Variants in PTCH1 observed in about 807,000 individuals in gnomAD.
PTCH1 encodes patched 1.
A neutral mutation model predicts 144.6 loss-of-function variants in PTCH1; 14 were observed. The ratio of observed to expected loss-of-function variants is 0.10; its 90% CI spans 0.06 to 0.15. The LOEUF (loss-of-function observed/expected upper bound fraction) is 0.15. PTCH1 is among the 10% of genes least tolerant of loss of function. The pLI is 1.00. For missense variants in PTCH1, 1,623 were observed against 1,948.3 expected (o/e 0.83, Z 3.14); for synonymous variants, 833 against 793.6 (o/e 1.05, Z -0.83).
At chr9:95,511,390 C>T (rs1422820141), upstream of PTCH1, among the ~76,000 whole-genome samples, 3 of 152,228 alleles carry the variant, frequency 2.0e-5, no homozygotes, top group Non-Finnish European at 4.4e-5. Flanking sequence ...GGGGGAGGCC[C>T]TTCCCCCGAC....
Position 95,506,417 on chromosome 9 carries a change from C to G in PTCH1, c.384G>C (p.Leu128=), listed in dbSNP as rs990879355. ...GGCGGGCGCTCTTACCTTCCACCCACAGCTCCTCCACGTTGGTCTCGAGGT... is the reference window on the plus strand; with the variant it reads ...GGCGGGCGCTCTTACCTTCCACCCAGAGCTCCTCCACGTTGGTCTCGAGGT... The part of the protein sequence containing the change: ...AANLETNVEE[L]WVEVGGRVSR... The change falls in exon 2 of 24, where the codon CTG becomes CTC. Residue 128 remains leucine, a synonymous_variant. Transcript: ENST00000331920. 2 of 1,611,264 alleles carry G rather than the reference C, an allele frequency of 1.2e-6. No individual in the cohort carries two copies. Among genetic ancestry groups the G allele is most frequent in the Admixed American group, 3.3e-5 (2 of 59,878 alleles).
chr9:95,451,892 G>T, intron 20 of PTCH1: 1 of 152,140 alleles, frequency 6.6e-6, no homozygotes, highest in East Asian at 1.9e-4. Context: ...AACTCAGTTG[G>T]GCAACTCTCT....
chr9:95,477,425 G>T, intron 10 of PTCH1, 122 bp downstream of exon 10: 1 of 1,347,088 alleles, frequency 7.4e-7, no homozygotes, highest in Non-Finnish European at 1.1e-6. Flanking sequence ...GCATCCTAGT[G>T]GAAAAGGCTG....
intron 2 of PTCH1, among the ~76,000 whole-genome samples, chr9:95,492,336 G>T (rs1179559490): frequency 6.6e-6 from 1 of 152,100 alleles, no homozygotes; most frequent in African/African-American, 2.4e-5. Context: ...TGGTAAGTAC[G>T]TAGGTGTGAA....
chr9:95,507,910 ACACACACACG>A (rs1227977992), intron 1 of PTCH1: 25 of 1,370,446 alleles, frequency 1.8e-5, no homozygotes, highest in Middle Eastern at 2.8e-4. Flanking sequence ...GTGTATACAC[ACACACACACG>A]CACACACACA....
intron 4 of PTCH1, 42 bp from the exon 5 acceptor site, chr9:95,482,082 C>A (rs1277933340): frequency 6.2e-7 from 1 of 1,608,852 alleles, no homozygotes; most frequent in African/African-American, 1.3e-5. Context: ...TAGGTTAAGG[C>A]ACACTACTGG....
chr9:95,497,100 G>A (rs1382544869), intron 2 of PTCH1, among the ~76,000 whole-genome samples: 1 of 152,222 alleles, frequency 6.6e-6, no homozygotes, highest in Non-Finnish European at 1.5e-5. Flanking sequence ...TTAATCAGGA[G>A]AATATTGGCG....
At chr9:95,511,700 C>A (rs912513111), upstream of PTCH1, among the ~76,000 whole-genome samples, 1 of 152,174 alleles carries the variant, frequency 6.6e-6, no homozygotes, top group Admixed American at 6.5e-5. Context: ...GAGTACGATC[C>A]TGATGTTTAT....
At chr9:95,493,550 T>C (rs1842575795) in intron 2 of PTCH1, among the ~76,000 whole-genome samples, 1 of 152,168 alleles carries the variant, frequency 6.6e-6, no homozygotes. Context: ...AAATGACCCT[T>C]TCAGCCTGAA....
At chr9:95,498,614 A>G (rs1842940837) in intron 2 of PTCH1, among the ~76,000 whole-genome samples, 1 of 152,212 alleles carries the variant, frequency 6.6e-6, no homozygotes, top group South Asian at 2.1e-4. Flanking sequence ...GGAAGGCATT[A>G]GACATTGCAG....
At chr9:95,496,792 T>C (rs865946963) in intron 2 of PTCH1, among the ~76,000 whole-genome samples, 51 of 152,174 alleles carry the variant, frequency 3.4e-4, no homozygotes, top group African/African-American at 1.2e-3. Flanking sequence ...AGAAAGAATT[T>C]CTTAGGCAGC....
In PTCH1 at chr9:95,476,629, C is replaced by T; in HGVS notation, c.1602+130G>A. On this transcript the variant is annotated intron_variant, in intron 11 of 23. Transcript: ENST00000331920. This position sits in a 1 kb window ranked among gnomAD's most constrained non-coding sequence, Gnocchi z 4.6. ...CCAGCTTATTTCATTGACTGGCAGC[C>T]AGTGACACATCATCTGACATGGGAC... 1 of 880,934 alleles carries T rather than the reference C, an allele frequency of 1.1e-6. No homozygotes were observed. The highest frequency in any genetic ancestry group is 1.4e-5 in the South Asian group (1 of 68,998). The allele number at this position is 880,934 out of a possible 1,614,324, so 54.6% of individuals were successfully genotyped here.
At position 95,482,419 on chromosome 9, in the gene PTCH1, A is replaced by G. The variant is rs563853047; in HGVS notation, c.585-216T>C. 2.5e-5 allele frequency: 15 copies of G among 589,468 alleles called. No homozygotes were observed. In the South Asian group the frequency reaches 3.1e-4, roughly 12 times the overall value. The allele number at this position is 589,468 out of a possible 1,614,324, so 36.5% of individuals were successfully genotyped here. ...ATTAACATGTAGGGTGTTTATGTAA[A>G]TGAATGCTACCAAAGTACTTGAAAA... On this transcript the variant is annotated intron_variant, in intron 3 of 23. Transcript: ENST00000331920.
chr9:95,516,767 C>T (rs1207256670), exon 1 of PTCH1: 2 of 1,612,992 alleles, frequency 1.2e-6, no homozygotes, highest in Non-Finnish European at 1.7e-6. Context: ...AGGCTTTCGG[C>T]GGAGTGCAGC....
chr9:95,486,838 G>C (rs1468221917), intron 2 of PTCH1, among the ~76,000 whole-genome samples: 1 of 152,218 alleles, frequency 6.6e-6, no homozygotes, highest in African/African-American at 2.4e-5. Flanking sequence ...AGGTGTCTCA[G>C]GGAGATACTA....
chr9:95,509,971 T>C (rs1844061069), upstream of PTCH1, among the ~76,000 whole-genome samples: 2 of 150,894 alleles, frequency 1.3e-5, 1 homozygote, highest in South Asian at 4.2e-4. Context: ...TTAAAATCCG[T>C]CTGCCCCCCA....
In PTCH1 at chr9:95,458,988, G is replaced by A. The variant is rs1054985925; in HGVS notation, c.2887+612C>T. Among the ~76,000 whole-genome samples the A allele has an allele frequency of 2.0e-5, 3 of 152,144 alleles. No homozygotes were observed. Among genetic ancestry groups the A allele is most frequent in the Admixed American group, 6.5e-5 (1 of 15,284 alleles). ...TCCAGCCATGTTTGCAAGGGGACCC[G>A]TCTTCTTTCTCACATCCTCCCTTGG... On this transcript the variant is annotated intron_variant, in intron 17 of 23. Coordinates refer to ENST00000331920, the MANE Select transcript of PTCH1 (RefSeq NM_000264.5). The surrounding 1 kb of genome is among the most constrained non-coding windows in gnomAD (Gnocchi z 4.7).
At chr9:95,496,004 C>T (rs1484193636) in intron 2 of PTCH1, among the ~76,000 whole-genome samples, 7 of 152,102 alleles carry the variant, frequency 4.6e-5, no homozygotes, top group East Asian at 1.9e-4. Flanking sequence ...CCATCAAAGC[C>T]GTATCTGTTA....
At chr9:95,506,680 G>A (rs536658488) in intron 1 of PTCH1, 81 bp from the exon 2 acceptor site, 3 of 1,350,666 alleles carry the variant, frequency 2.2e-6, no homozygotes, top group South Asian at 1.6e-5. Context: ...GCACCCGCCC[G>A]GTGAGCCCCC....
Sources: gnomAD v4.1 joint callset for allele counts (sites outside exome capture counted in the v4.1 genomes callset) on GRCh38, gnomAD v4.1.1 for gene constraint, Gnocchi (gnomAD v3.1) non-coding constraint, MANE v1.5 for transcripts, NCBI Gene and HGNC (gene_info 2026-07-23, HGNC 2026-07-21) for gene names.